The following DCP2 variants were observed in gnomAD, a reference collection of about 807,000 sequenced individuals.
The protein encoded by DCP2 is decapping mRNA 2.
In DCP2, 30 loss-of-function variants were observed where a neutral mutation model predicts 56.1. That is an observed-to-expected ratio of 0.53 (90% CI 0.40 to 0.73). DCP2 has a LOEUF of 0.73. DCP2 is among the 30% of genes least tolerant of loss of function. DCP2 has a pLI of 0.00. For missense variants in DCP2, 533 were observed against 502.7 expected, an observed-to-expected ratio of 1.06 and a Z score of -0.58; for synonymous variants, 197 against 163.3, an observed-to-expected ratio of 1.21 and a Z score of -1.57.
At chr5:113,000,181 C>T (rs1218289073) in intron 4 of DCP2, among the ~76,000 whole-genome samples, 1 of 151,768 alleles carries the variant, frequency 6.6e-6, no homozygotes, top group Non-Finnish European at 1.5e-5. Context: ...TGGTCTCGAA[C>T]ACCTGGGCTC....
Position 112,976,919 on chromosome 5 carries a change from C to A in DCP2, c.-15C>A, listed in dbSNP as rs779524244. On this transcript the variant is annotated 5_prime_UTR_variant, in exon 1 of 11. In the 5' UTR this introduces an upstream ATG that the reference lacks. Transcript: ENST00000389063. ...GCGGAGCCGGGATGCACTGTTCCTG[C>A]TGTGGGTCCTCATCATGGAGACCAA... is the stretch of plus-strand genomic sequence containing the variant. 2 of 1,613,524 alleles carry A rather than the reference C, an allele frequency of 1.2e-6. No homozygotes were observed. The highest frequency in any genetic ancestry group is 1.7e-6 in the Non-Finnish European group (2 of 1,179,488).
chr5:112,992,765 A>G lies in DCP2; in HGVS notation c.427A>G (p.Arg143Gly), dbSNP rs1191888492. The change falls in exon 4 of 11, where the codon AGA (arginine) becomes GGA (glycine). Residue 143 changes from arginine to glycine, a missense_variant. Arg to Gly is a moderately radical substitution (Grantham distance 125, BLOSUM62 -2). Around this residue, in one of 3 missense-constraint regions of DCP2, gnomAD observed 392 missense variants for 346.6 expected, o/e 1.13. Transcript: ENST00000389063. ...KEEAPHDCAA[R>G]EVFEETGFDI... ...AGAAGCTCCTCATGATTGTGCTGCT[A>G]GAGAGGTAAGTTATTCCATTTTGAT... 3 of 1,568,764 alleles carry G rather than the reference A, an allele frequency of 1.9e-6. No individual in the cohort carries two copies. The highest frequency in any genetic ancestry group is 1.4e-5 in the African/African-American group (1 of 71,392).
rs144428739 is a variant in DCP2, at chr5:112,977,501, C to A, written c.53+515C>A. Reference sequence around the variant, plus strand: ...TTCTGACGCCTGCGTGTTATTTGTCCGTGGCGTTCTCTGTAAATTCCTGTA... The same window carrying A: ...TTCTGACGCCTGCGTGTTATTTGTCAGTGGCGTTCTCTGTAAATTCCTGTA... On this transcript the variant is annotated intron_variant, in intron 1 of 10. Coordinates refer to ENST00000389063, the MANE Select transcript of DCP2 (RefSeq NM_152624.6). Among the ~76,000 whole-genome samples the A allele has an allele frequency of 6.4e-3, 968 of 152,278 alleles. 3 individuals are homozygous for A. The highest frequency in any genetic ancestry group is 0.011 in the Non-Finnish European group (751 of 68,026).
chr5:113,012,279 GC>G (rs1202215910), intron 10 of DCP2, among the ~76,000 whole-genome samples: 6 of 152,168 alleles, frequency 3.9e-5, no homozygotes, highest in Admixed American at 1.3e-4. Flanking sequence ...AAGGTCACTT[GC>G]GCCCAGGAGG....
At chr5:113,004,269 TTAA>T (rs531458381) in intron 8 of DCP2, among the ~76,000 whole-genome samples, 192 bp downstream of exon 8, 78 of 152,334 alleles carry the variant, frequency 5.1e-4, no homozygotes, top group African/African-American at 1.3e-3. Flanking sequence ...GTAAATCCAG[TTAA>T]TAATAAGAAT....
chr5:112,990,525 G>A (rs1263272658), intron 2 of DCP2, among the ~76,000 whole-genome samples: 2 of 152,082 alleles, frequency 1.3e-5, no homozygotes, highest in East Asian at 1.9e-4. Flanking sequence ...AATGGTTAAT[G>A]TTGTATCCAA....
intron 2 of DCP2, among the ~76,000 whole-genome samples, chr5:112,988,408 T>C (rs1002711647): frequency 2.1e-5 from 3 of 144,632 alleles, no homozygotes; most frequent in South Asian, 4.3e-4. Flanking sequence ...AGGAGAATGG[T>C]GTGAACCCGG....
Position 112,990,944 on chromosome 5 carries a change from G to A in DCP2, c.206-1177G>A, listed in dbSNP as rs1580805679. Among the ~76,000 whole-genome samples the A allele has an allele frequency of 2.0e-5, 3 of 151,852 alleles. No homozygotes were observed. In the South Asian group the frequency reaches 6.2e-4, roughly 32 times the overall value. On this transcript the variant is annotated intron_variant, in intron 2 of 10. Coordinates refer to ENST00000389063, the MANE Select transcript of DCP2 (RefSeq NM_152624.6). ...GAATGAATATAATGCCGACTTCTTT[G>A]AGGGTGTTTTGAGTTTGGTGTACCT...
In DCP2 at chr5:113,020,538, C is replaced by G. The variant is rs189756886; in HGVS notation, c.*7054C>G. 6.6e-6 allele frequency: 1 copy of G among 152,154 alleles called. No individual in the cohort carries two copies. Among genetic ancestry groups the G allele is most frequent in the Non-Finnish European group, 1.5e-5 (1 of 68,010 alleles). 9.4% of individuals were successfully genotyped at this position (152,154 alleles called of 1,614,324 possible). A position where few individuals can be genotyped will look rare whatever the true frequency, so the allele number is the denominator to read the frequency against. On this transcript the variant is annotated 3_prime_UTR_variant, in exon 11 of 11. Coordinates refer to ENST00000389063, the MANE Select transcript of DCP2 (RefSeq NM_152624.6). ...ATTTGGAACAGGTTTCATTCTGTTT[C>G]TAGATTTATGTTGTTGTAGTTGAAC...
chr5:112,992,442 G>A (rs531435237), intron 3 of DCP2, among the ~76,000 whole-genome samples, 194 bp downstream of exon 3: 1 of 151,890 alleles, frequency 6.6e-6, no homozygotes, highest in East Asian at 1.9e-4. Context: ...TTACGGTGTG[G>A]TACAAAAAAG....
In DCP2 at chr5:113,015,632, C is replaced by G. The variant is rs1247232388; in HGVS notation, c.*2148C>G. 3 of 152,578 alleles carry G rather than the reference C, an allele frequency of 2.0e-5. No homozygotes were observed. The highest frequency in any genetic ancestry group is 7.2e-5 in the African/African-American group (3 of 41,426). The allele number at this position is 152,578 out of a possible 1,614,324, so 9.5% of individuals were successfully genotyped here. On this transcript the variant is annotated 3_prime_UTR_variant, in exon 11 of 11. Coordinates refer to ENST00000389063, the MANE Select transcript of DCP2 (RefSeq NM_152624.6). ...TGTTGGGGTGTGATTATGATAACTT[C>G]AGGCTTTTAGCTCTCCTCAAAGTTT...
chr5:113,009,816 A>T (rs1749599901), intron 9 of DCP2, among the ~76,000 whole-genome samples: 1 of 152,188 alleles, frequency 6.6e-6, no homozygotes, highest in Non-Finnish European at 1.5e-5. Context: ...AAAGTTTGCA[A>T]TTTTATGAAA....
intron 7 of DCP2, 50 bp downstream of exon 7, chr5:113,001,724 T>G (rs764731248): frequency 6.5e-7 from 1 of 1,527,366 alleles, no homozygotes; most frequent in East Asian, 2.2e-5. Context: ...TTTTTAAAAG[T>G]GGAATAATAG....
At chr5:112,992,270 T>C (rs756032606) in intron 3 of DCP2, 22 bp downstream of exon 3, 96 of 1,598,786 alleles carry the variant, frequency 6.0e-5, no homozygotes, top group Non-Finnish European at 7.8e-5. Context: ...GAAATAAAGA[T>C]TTTTAGTGAA....
In DCP2 at chr5:113,008,010, C is replaced by T. The variant is rs774024960; in HGVS notation, c.1015C>T (p.Leu339Phe). The T allele has an allele frequency of 5.6e-6, 9 of 1,613,788 alleles. No homozygotes were observed. The Admixed American group carries it at 1.3e-4, about 24-fold the overall frequency. ...TAATCAAAAGAAAAGAACAAATGGG[C>T]TTCAGCCAGCAAAGCAGCAGAATTC... ...SPNQKKRTNGLQPAKQQNSLM... is the reference protein window; with the variant it reads ...SPNQKKRTNGFQPAKQQNSLM... Residue 339 changes from leucine to phenylalanine, a missense_variant, in exon 9 of 11, where the codon CTT becomes TTT. Around this residue, in one of 3 missense-constraint regions of DCP2, gnomAD observed 392 missense variants for 346.6 expected, o/e 1.13. Transcript: ENST00000389063.
intron 1 of DCP2, among the ~76,000 whole-genome samples, chr5:112,979,548 A>G (rs914670146): frequency 4.1e-4 from 63 of 152,002 alleles, no homozygotes; most frequent in African/African-American, 1.5e-3. Flanking sequence ...TTTTGCCCCA[A>G]TTCTGTTGCT....
chr5:113,016,016 G>A lies in DCP2; in HGVS notation c.*2532G>A, dbSNP rs1580843959. 2 of 152,704 alleles carry A rather than the reference G, an allele frequency of 1.3e-5. No homozygotes were observed. The highest frequency in any genetic ancestry group is 3.4e-3 in the Middle Eastern group (1 of 294). The allele number at this position is 152,704 out of a possible 1,614,324, so 9.5% of individuals were successfully genotyped here. ...GTCTTTGAGAGAGATACAGGTCTTG[G>A]AATTCACTTTTTAAATGTTACGTTC... On this transcript the variant is annotated 3_prime_UTR_variant, in exon 11 of 11. Coordinates refer to ENST00000389063, the MANE Select transcript of DCP2 (RefSeq NM_152624.6).
intron 9 of DCP2, among the ~76,000 whole-genome samples, chr5:113,008,715 G>C (rs555868308): frequency 2.6e-5 from 4 of 152,124 alleles, no homozygotes; most frequent in Non-Finnish European, 5.9e-5. Context: ...TGACTCATTT[G>C]ACTACTTTAC....
rs1749795493 is a variant in DCP2 at position 113,014,313 on chromosome 5, T to C, written c.*829T>C. The C allele has an allele frequency of 6.6e-6, 1 of 152,356 alleles. No individual in the cohort carries two copies. The highest frequency in any genetic ancestry group is 1.5e-5 in the Non-Finnish European group (1 of 68,034). The allele number at this position is 152,356 out of a possible 1,614,324, so 9.4% of individuals were successfully genotyped here. On this transcript the variant is annotated 3_prime_UTR_variant, in exon 11 of 11. Coordinates refer to ENST00000389063, the MANE Select transcript of DCP2 (RefSeq NM_152624.6). ...TTTGTTCTTGTGGAAATTTCTTCTG[T>C]ATTCCAGTTGTGTAAATATGTATGG...
Sources: allele counts gnomAD v4.1 joint callset (sites outside exome capture counted in the v4.1 genomes callset), GRCh38; gene constraint gnomAD v4.1.1; regional missense constraint gnomAD v4.1.1; transcripts MANE v1.5; gene names NCBI Gene and HGNC (gene_info 2026-07-23, HGNC 2026-07-21).